Variants in THSD4 observed in about 807,000 individuals in gnomAD.
THSD4 encodes the protein thrombospondin type 1 domain containing 4.
A neutral mutation model predicts 119.0 loss-of-function variants in THSD4; 69 were observed. That is an observed-to-expected ratio of 0.58 (90% CI 0.48 to 0.71). The LOEUF (loss-of-function observed/expected upper bound fraction) is 0.71. Ranked by LOEUF, THSD4 falls within the 30% of genes least tolerant of loss-of-function variation. The probability of loss-of-function intolerance (pLI) is 0.00; values close to 1 mark genes in which losing one functional copy is unlikely to be tolerated. For synonymous variants in THSD4, 524 were observed against 540.4 expected, an observed-to-expected ratio of 0.97 and a Z score of 0.42; for missense variants, 1,393 against 1,391.1, an observed-to-expected ratio of 1.00 and a Z score of -0.02.
chr15:71,771,297 G>A (rs1179652679), intron 17 of THSD4, 89 bp downstream of exon 17: 3 of 1,515,812 alleles, frequency 2.0e-6, no homozygotes, highest in African/African-American at 2.8e-5. Flanking sequence ...CCTCTTCTAG[G>A]TCTTTCTGTG....
rs185816512 is a variant in THSD4 at position 71,427,673 on chromosome 15, C to T, written c.1152+15850C>T. Among the ~76,000 whole-genome samples, 570 of 150,410 alleles carry T rather than the reference C, an allele frequency of 3.8e-3. 2 individuals carry two copies. The highest frequency in any genetic ancestry group is 0.014 in the Middle Eastern group (4 of 292). ...TTGTGCTTGCACCCTGCTCTCTGCCCTGAGTTAATCTGGTCTACTTCTGGT... is the reference window on the plus strand; with the variant it reads ...TTGTGCTTGCACCCTGCTCTCTGCCTTGAGTTAATCTGGTCTACTTCTGGT... On this transcript the variant is annotated intron_variant, in intron 7 of 17. Coordinates refer to ENST00000261862, the MANE Select transcript of THSD4 (RefSeq NM_024817.3).
At chr15:71,624,455 G>C (rs930749862) in intron 7 of THSD4, among the ~76,000 whole-genome samples, 5 of 152,194 alleles carry the variant, frequency 3.3e-5, no homozygotes, top group African/African-American at 1.2e-4. Context: ...GTAGTTTTTG[G>C]TGGGGAGGAA....
intron 7 of THSD4, among the ~76,000 whole-genome samples, chr15:71,635,515 G>A (rs2050722173): frequency 6.6e-6 from 1 of 152,182 alleles, no homozygotes; most frequent in African/African-American, 2.4e-5. Flanking sequence ...TTACAGTAGT[G>A]ACTTTGCTAA....
chr15:71,193,810 C>T (rs945274002), intron 3 of THSD4, among the ~76,000 whole-genome samples: 1 of 152,164 alleles, frequency 6.6e-6, no homozygotes, highest in Non-Finnish European at 1.5e-5. Flanking sequence ...CGGGTTCACA[C>T]CATTCTCCTG....
chr15:71,747,123 G>C, intron 13 of THSD4, 81 bp downstream of exon 13: 1 of 1,476,972 alleles, frequency 6.8e-7, no homozygotes, highest in Non-Finnish European at 9.1e-7. Context: ...CAAGACCTGA[G>C]ATGGGTAACC....
intron 6 of THSD4, among the ~76,000 whole-genome samples, chr15:71,298,858 C>T (rs9806553): frequency 0.22 from 34,078 of 152,170 alleles, 3,947 homozygotes; most frequent in Middle Eastern, 0.3. Flanking sequence ...GGCAATCCAC[C>T]GGCCTCGGCC....
chr15:71,310,571 C>T (rs2045098026), intron 6 of THSD4, among the ~76,000 whole-genome samples: 1 of 152,086 alleles, frequency 6.6e-6, no homozygotes, highest in Admixed American at 6.5e-5. Flanking sequence ...CTCAGCAGGG[C>T]CTGCCTATCT....
At chr15:71,465,659 C>A (rs544277460) in intron 7 of THSD4, among the ~76,000 whole-genome samples, 3 of 152,172 alleles carry the variant, frequency 2.0e-5, no homozygotes, top group Admixed American at 2.0e-4. Context: ...AAGCAAACCT[C>A]GTCTGTTGCA....
chr15:71,762,758 C>T (rs2053647554), intron 15 of THSD4, among the ~76,000 whole-genome samples: 2 of 152,172 alleles, frequency 1.3e-5, no homozygotes, highest in South Asian at 4.1e-4. Context: ...ATAGGAGAAA[C>T]AGAGTGGGAA....
At chr15:71,697,099 A>G (rs2052180866) in intron 8 of THSD4, among the ~76,000 whole-genome samples, 1 of 152,180 alleles carries the variant, frequency 6.6e-6, no homozygotes. Context: ...GCAAAAGGGG[A>G]TGATTCAAGT....
intron 8 of THSD4, among the ~76,000 whole-genome samples, chr15:71,696,043 T>G (rs1398653990): frequency 6.6e-6 from 1 of 152,260 alleles, no homozygotes; most frequent in Admixed American, 6.5e-5. Context: ...CAATAAATGT[T>G]AGCTAGTTTT....
chr15:71,575,190 G>T (rs1450289361), intron 7 of THSD4, among the ~76,000 whole-genome samples: 5 of 152,110 alleles, frequency 3.3e-5, no homozygotes, highest in African/African-American at 9.7e-5. Flanking sequence ...CAATTTTATG[G>T]ATTTGTAACT....
At chr15:71,103,486 C>G (rs1163330883) in intron 1 of THSD4, among the ~76,000 whole-genome samples, 1 of 152,176 alleles carries the variant, frequency 6.6e-6, no homozygotes, top group Non-Finnish European at 1.5e-5. Context: ...CTCCTTGGGG[C>G]CTCCCTTTTC....
intron 7 of THSD4, among the ~76,000 whole-genome samples, chr15:71,577,615 G>A (rs151202812): frequency 2.0e-5 from 3 of 152,182 alleles, no homozygotes; most frequent in African/African-American, 4.8e-5. Flanking sequence ...ACCATTTGGC[G>A]TTACTAAAAC....
intron 4 of THSD4, among the ~76,000 whole-genome samples, chr15:71,235,898 A>G (rs2044101266): frequency 6.6e-6 from 1 of 152,090 alleles, no homozygotes; most frequent in Non-Finnish European, 1.5e-5. Context: ...CTGGAATGCC[A>G]CCGCTCTTAA....
At chr15:71,540,404 G>A (rs889610999) in intron 7 of THSD4, among the ~76,000 whole-genome samples, 8 of 141,288 alleles carry the variant, frequency 5.7e-5, no homozygotes, top group Admixed American at 1.5e-4. Context: ...CCAAAGTGCT[G>A]GGATTACAGG....
At chr15:71,157,360 A>G (rs1304760904) in intron 3 of THSD4, among the ~76,000 whole-genome samples, 3 of 152,162 alleles carry the variant, frequency 2.0e-5, no homozygotes, top group Non-Finnish European at 2.9e-5. Context: ...TATGCATACA[A>G]TTTGGTGGTA....
chr15:71,626,190 T>G (rs1002684215), intron 7 of THSD4, among the ~76,000 whole-genome samples: 24 of 152,228 alleles, frequency 1.6e-4, no homozygotes, highest in Admixed American at 7.8e-4. Flanking sequence ...ATCTTGTAAC[T>G]TGCAATCTTT....
At chr15:71,665,284 A>G (rs879198683) in intron 8 of THSD4, among the ~76,000 whole-genome samples, 1 of 152,176 alleles carries the variant, frequency 6.6e-6, no homozygotes, top group Non-Finnish European at 1.5e-5. Flanking sequence ...TTGGCCATAC[A>G]TACGTCATCT....
Sources: gnomAD v4.1 joint callset for allele counts (sites outside exome capture counted in the v4.1 genomes callset) on GRCh38, gnomAD v4.1.1 for gene constraint, MANE v1.5 for transcripts, NCBI Gene and HGNC (gene_info 2026-07-23, HGNC 2026-07-21) for gene names.